The following CDH26 variants were observed in gnomAD, a reference collection of about 807,000 sequenced individuals.
CDH26 encodes cadherin-like protein 26.
In CDH26, 83 loss-of-function variants were observed where a neutral mutation model predicts 90.3. The ratio of observed to expected loss-of-function variants is 0.92; its 90% confidence interval spans 0.77 to 1.10. The LOEUF (loss-of-function observed/expected upper bound fraction) is 1.10, where lower values mean the gene tolerates loss of function less well. CDH26 is among the 50% of genes least tolerant of loss of function. CDH26 has a pLI of 0.00. For synonymous variants in CDH26, 397 were observed against 396.3 expected, an observed-to-expected ratio of 1.00 and a Z score of -0.02; for missense variants, 1,013 against 1,037.6, an observed-to-expected ratio of 0.98 and a Z score of 0.33.
intron 8 of CDH26, among the ~76,000 whole-genome samples, chr20:59,988,216 G>T (rs1242570041): frequency 6.6e-6 from 1 of 152,194 alleles, no homozygotes; most frequent in Admixed American, 6.5e-5. Context: ...CACAGCTTGA[G>T]GGGTGGAGTG....
chr20:59,972,206 A>C, intron 4 of CDH26, 83 bp downstream of exon 4: 1 of 1,312,552 alleles, frequency 7.6e-7, no homozygotes, highest in Non-Finnish European at 1.1e-6. Context: ...ATTTAAGCTG[A>C]CTATGTGCCA....
In CDH26 at chr20:59,992,640, C is replaced by T; in HGVS notation, c.1426+120C>T. ...AAGGATAAAATAAACCTTGTTATCA[C>T]TCTGCATCCATGCTGGTGATTATTT... is the stretch of plus-strand genomic sequence containing the variant. On this transcript the variant is annotated intron_variant, in intron 10 of 17. Transcript: ENST00000348616. This position sits in a 1 kb window ranked among gnomAD's most constrained non-coding sequence, Gnocchi z 5.0. 1 of 969,758 alleles carries T rather than the reference C, an allele frequency of 1.0e-6. No homozygotes were observed. Among genetic ancestry groups the T allele is most frequent in the Non-Finnish European group, 1.5e-6 (1 of 645,568 alleles). The allele number at this position is 969,758 out of a possible 1,614,324, so 60.1% of individuals were successfully genotyped here. A position where few individuals can be genotyped will look rare whatever the true frequency, so the allele number is the denominator to read the frequency against.
At chr20:59,973,234 A>G (rs984662737) in intron 4 of CDH26, among the ~76,000 whole-genome samples, 2 of 152,234 alleles carry the variant, frequency 1.3e-5, no homozygotes, top group Non-Finnish European at 2.9e-5. Context: ...AGCAAGCTCC[A>G]GGTGATGCCC....
chr20:59,967,869 C>CTT (rs1569024210), intron 1 of CDH26, among the ~76,000 whole-genome samples: 1 of 103,340 alleles, frequency 9.7e-6, no homozygotes, highest in Non-Finnish European at 1.7e-5. Context: ...TTCTTTCTTT[C>CTT]TTTCTTTCTT....
intron 4 of CDH26, among the ~76,000 whole-genome samples, chr20:59,981,700 T>G (rs2061396830): frequency 6.6e-6 from 1 of 152,148 alleles, no homozygotes. Flanking sequence ...TCTAGATTCA[T>G]GAGAGATATT....
At chr20:60,016,200 A>G (rs189528745), downstream of CDH26, among the ~76,000 whole-genome samples, 2 of 152,246 alleles carry the variant, frequency 1.3e-5, no homozygotes, top group African/African-American at 4.8e-5. Flanking sequence ...GAATCTGTAG[A>G]TTGCTTTGCA....
At chr20:60,022,071 A>G (rs1013324012) in intron 7 of CDH26, among the ~76,000 whole-genome samples, 1 of 151,608 alleles carries the variant, frequency 6.6e-6, no homozygotes, top group Non-Finnish European at 1.5e-5. Context: ...ACCTTCCCCA[A>G]CTGATGTCTG....
downstream of CDH26, among the ~76,000 whole-genome samples, chr20:60,015,574 C>T (rs1202788215): frequency 5.3e-5 from 8 of 151,622 alleles, no homozygotes; most frequent in South Asian, 2.1e-4. Flanking sequence ...CCATTTTGTA[C>T]GTTAACTTTT....
intron 12 of CDH26, 64 bp from the exon 13 acceptor site, chr20:59,996,567 C>A (rs750698416): frequency 1.9e-6 from 3 of 1,614,204 alleles, no homozygotes; most frequent in Non-Finnish European, 2.5e-6. Context: ...AGAACAAGAT[C>A]CTCATGAAAC....
intron 8 of CDH26, 25 bp from the exon 9 acceptor site, chr20:59,988,879 T>C: frequency 6.2e-7 from 1 of 1,609,158 alleles, no homozygotes; most frequent in East Asian, 2.2e-5. Flanking sequence ...CAGGTGCTAA[T>C]GAAATCCTCT....
At position 59,992,530 on chromosome 20, in the gene CDH26, T is replaced by A; in HGVS notation, c.1426+10T>A. 6.2e-7 allele frequency: 1 copy of A among 1,612,918 alleles called. No homozygotes were observed. The highest frequency in any genetic ancestry group is 8.5e-7 in the Non-Finnish European group (1 of 1,179,228). ...CACGCTGTTGATGATGGTGAGTGTT[T>A]ACCCAAAATTGGAAAAATAAAATGC... is the stretch of plus-strand genomic sequence containing the variant. On this transcript the variant is annotated intron_variant, in intron 10 of 17. Coordinates refer to ENST00000348616, the MANE Select transcript of CDH26 (RefSeq NM_177980.4). The surrounding 1 kb of genome is among the most constrained non-coding windows in gnomAD (Gnocchi z 5.0).
At chr20:59,991,333 A>G (rs1426497643) in intron 9 of CDH26, among the ~76,000 whole-genome samples, 1 of 152,160 alleles carries the variant, frequency 6.6e-6, no homozygotes, top group East Asian at 1.9e-4. Context: ...TAGCCTCAAT[A>G]TGGCTTTTTC....
downstream of CDH26, among the ~76,000 whole-genome samples, chr20:60,018,782 T>C (rs531254172): frequency 4.9e-4 from 73 of 150,008 alleles, no homozygotes; most frequent in Non-Finnish European, 6.2e-4. Context: ...TTACTTTTTT[T>C]CCCCTTTGTT....
At chr20:60,010,331 T>A (rs1054124538) in intron 17 of CDH26, among the ~76,000 whole-genome samples, 10 of 152,304 alleles carry the variant, frequency 6.6e-5, no homozygotes, top group African/African-American at 2.4e-4. Flanking sequence ...GGATTCTGAC[T>A]GTTTTCATGC....
At chr20:60,031,736 C>T (rs1006783131) in intron 8 of CDH26, among the ~76,000 whole-genome samples, 7 of 152,212 alleles carry the variant, frequency 4.6e-5, no homozygotes, top group African/African-American at 1.2e-4. Flanking sequence ...CCCACGCTGG[C>T]TCACAGCCTC....
At chr20:59,979,897 G>C (rs901888196) in intron 4 of CDH26, among the ~76,000 whole-genome samples, 1 of 151,954 alleles carries the variant, frequency 6.6e-6, no homozygotes, top group Non-Finnish European at 1.5e-5. Context: ...AAAGTGCTGG[G>C]ATTACAGGTG....
rs541189722 is a variant in CDH26 at position 59,985,978 on chromosome 20, G to A, written c.837+849G>A. 2.0e-5 allele frequency: 3 copies of A among 152,362 alleles called. No individual in the cohort carries two copies. The South Asian group carries it at 6.2e-4, about 32-fold the overall frequency. 9.4% of individuals were successfully genotyped at this position (152,362 alleles called of 1,614,324 possible). Reference sequence around the variant, plus strand: ...ACTGGGCCAGATGATTATTTGGAGTGGGGGCTACTCTGTGTGCTGTGGGAT... The same window carrying A: ...ACTGGGCCAGATGATTATTTGGAGTAGGGGCTACTCTGTGTGCTGTGGGAT... On this transcript the variant is annotated intron_variant, in intron 7 of 17. Transcript: ENST00000348616.
At chr20:60,017,135 G>A (rs1408909210), downstream of CDH26, among the ~76,000 whole-genome samples, 1 of 152,032 alleles carries the variant, frequency 6.6e-6, no homozygotes, top group Non-Finnish European at 1.5e-5. Flanking sequence ...CATAGAGTAA[G>A]AAAGGAAGAG....
At chr20:59,994,565 G>T (rs149188223) in intron 11 of CDH26, 76 bp downstream of exon 11, 18 of 1,560,010 alleles carry the variant, frequency 1.2e-5, no homozygotes, top group African/African-American at 1.1e-4. Context: ...AGGCAAAAAA[G>T]GACTTTATTA....
Sources: gnomAD v4.1 joint callset for allele counts (sites outside exome capture counted in the v4.1 genomes callset) on GRCh38, gnomAD v4.1.1 for gene constraint, Gnocchi (gnomAD v3.1) non-coding constraint, MANE v1.5 for transcripts, NCBI Gene and HGNC (gene_info 2026-07-23, HGNC 2026-07-21) for gene names.